IGSF11: variants seen among roughly 807,000 people sequenced by gnomAD.
The protein encoded by IGSF11 is CXADR like 1.
A neutral mutation model predicts 41.0 loss-of-function variants in IGSF11; 22 were observed. That is an observed-to-expected ratio of 0.54 (90% confidence interval 0.38 to 0.77). The LOEUF (loss-of-function observed/expected upper bound fraction) is 0.77, where lower values mean the gene tolerates loss of function less well. Among genes scored for constraint, IGSF11 ranks in the 30% least tolerant of loss-of-function variants. The pLI is 0.00. For missense variants in IGSF11, 444 were observed against 530.8 expected, an observed-to-expected ratio of 0.84 and a Z score of 1.61; for synonymous variants, 219 against 201.3, an observed-to-expected ratio of 1.09 and a Z score of -0.74.
intron 1 of IGSF11, among the ~76,000 whole-genome samples, chr3:119,005,150 T>C (rs1474240219): frequency 1.4e-5 from 2 of 146,906 alleles, no homozygotes; most frequent in Non-Finnish European, 1.5e-5. Flanking sequence ...GGTGCTCCTG[T>C]ATTGGGTGCA....
intron 4 of IGSF11, among the ~76,000 whole-genome samples, chr3:118,920,201 G>T (rs866345643): frequency 1.3e-5 from 2 of 149,704 alleles, no homozygotes; most frequent in Non-Finnish European, 3.0e-5. Context: ...CATGGCACAT[G>T]TATACATATG....
chr3:119,115,359 C>T (rs1310045666), intron 1 of IGSF11, among the ~76,000 whole-genome samples: 1 of 152,142 alleles, frequency 6.6e-6, no homozygotes, highest in Non-Finnish European at 1.5e-5. Flanking sequence ...AATTTACAGT[C>T]CCACCAACAG....
intron 1 of IGSF11, among the ~76,000 whole-genome samples, chr3:118,973,183 C>T (rs1396679258): frequency 6.6e-6 from 1 of 152,172 alleles, no homozygotes; most frequent in Admixed American, 6.5e-5. Context: ...TATACAGAAG[C>T]CAGGCCTCTC....
chr3:118,940,661 T>C (rs1020225800), intron 1 of IGSF11, among the ~76,000 whole-genome samples: 2 of 152,070 alleles, frequency 1.3e-5, no homozygotes, highest in African/African-American at 2.4e-5. Flanking sequence ...CTGTTTTGTA[T>C]AGACAAATTG....
At chr3:119,102,063 A>T (rs1470139022) in intron 1 of IGSF11, among the ~76,000 whole-genome samples, 1 of 151,838 alleles carries the variant, frequency 6.6e-6, no homozygotes, top group African/African-American at 2.4e-5. Flanking sequence ...TATTATTTCC[A>T]CTTTGTCAGA....
At chr3:118,947,503 TAAGA>T (rs1944246752) in intron 1 of IGSF11, 3 of 152,178 alleles carry the variant, frequency 2.0e-5, no homozygotes, top group East Asian at 1.9e-4. Context: ...GATGGATAAA[TAAGA>T]AAGAATTTAT....
At chr3:119,087,785 AT>A (rs899713850) in intron 1 of IGSF11, among the ~76,000 whole-genome samples, 30 of 152,142 alleles carry the variant, frequency 2.0e-4, no homozygotes, top group East Asian at 1.2e-3. Flanking sequence ...AAAAATTAAA[AT>A]TTTTTTTAAT....
chr3:118,981,073 G>A (rs1934665266), intron 1 of IGSF11, among the ~76,000 whole-genome samples: 1 of 152,140 alleles, frequency 6.6e-6, no homozygotes, highest in African/African-American at 2.4e-5. Context: ...TTCACCTCAA[G>A]GATCACTTGT....
At chr3:118,943,349 T>C (rs1013147398) in intron 1 of IGSF11, among the ~76,000 whole-genome samples, 18 of 152,160 alleles carry the variant, frequency 1.2e-4, no homozygotes, top group Admixed American at 3.3e-4. Flanking sequence ...TGAGTAAAGT[T>C]TAAAAATAAA....
At position 119,046,972 on chromosome 3, in the gene IGSF11, GC is replaced by G. The variant is rs1941382553; in HGVS notation, c.49+58171del. 3.5e-5 allele frequency among the ~76,000 whole-genome samples: 5 copies of G among 143,814 alleles called. No homozygotes were observed. In the South Asian group the frequency reaches 9.8e-4, roughly 28 times the overall value. The allele number at this position is 143,814 out of a possible 152,430, so 94.3% of individuals were successfully genotyped here. On this transcript the variant is annotated intron_variant, in intron 1 of 6. Transcript: ENST00000354673. ...GAGAGATTTTGTCAACACCAGGCCTGCCCTAAAAGAGCTCCCGAAGGAAGCG... is the reference window on the plus strand; with the variant it reads ...GAGAGATTTTGTCAACACCAGGCCTGCCTAAAAGAGCTCCCGAAGGAAGCG...
At chr3:119,137,355 C>T (rs1221458308) in intron 1 of IGSF11, among the ~76,000 whole-genome samples, 1 of 152,146 alleles carries the variant, frequency 6.6e-6, no homozygotes, top group African/African-American at 2.4e-5. Flanking sequence ...TGGCATGATA[C>T]TGGCATAAAA....
intron 4 of IGSF11, among the ~76,000 whole-genome samples, chr3:118,923,380 T>C (rs1942007958): frequency 6.6e-6 from 1 of 152,186 alleles, no homozygotes; most frequent in African/African-American, 2.4e-5. Context: ...CTAAGTACTT[T>C]AGTGAATACT....
At chr3:118,976,025 T>C (rs1021060057) in intron 1 of IGSF11, among the ~76,000 whole-genome samples, 1 of 151,970 alleles carries the variant, frequency 6.6e-6, no homozygotes, top group African/African-American at 2.4e-5. Context: ...AAGTTGAAAT[T>C]AATAAAAATT....
At chr3:118,947,586 T>C (rs1365387651) in intron 1 of IGSF11, 2 of 152,260 alleles carry the variant, frequency 1.3e-5, no homozygotes, top group Non-Finnish European at 2.9e-5. Flanking sequence ...CACATTTTCA[T>C]GTGAGCGTTT....
At chr3:118,938,371 A>G (rs1409402060) in intron 1 of IGSF11, among the ~76,000 whole-genome samples, 1 of 152,134 alleles carries the variant, frequency 6.6e-6, no homozygotes, top group African/African-American at 2.4e-5. Flanking sequence ...GGAGCTTTCC[A>G]CACTGCCAGG....
At chr3:119,072,160 G>T (rs1034700446) in intron 1 of IGSF11, among the ~76,000 whole-genome samples, 5 of 152,328 alleles carry the variant, frequency 3.3e-5, no homozygotes, top group South Asian at 2.1e-4. Context: ...CGTACAGTAA[G>T]TTCACTATAT....
At chr3:119,002,513 T>C (rs1937009041) in intron 1 of IGSF11, among the ~76,000 whole-genome samples, 1 of 132,000 alleles carries the variant, frequency 7.6e-6, no homozygotes, top group African/African-American at 3.4e-5. Flanking sequence ...TTTGTTGCCA[T>C]TGCTTTTGGT....
chr3:119,125,563 A>G lies in IGSF11; in HGVS notation c.-14+20250T>C, dbSNP rs370195855. On this transcript the variant is annotated intron_variant, in intron 1 of 7. Coordinates refer to the IGSF11 transcript ENST00000425327. ...ACAAGGGCAGGGAGGAATCTTACAA[A>G]GTACATTCACAGGGATGGGGAATAT... 1.6e-4 allele frequency among the ~76,000 whole-genome samples: 25 copies of G among 152,150 alleles called. 1 individual carries two copies. Among genetic ancestry groups the G allele is most frequent in the East Asian group, 1.2e-3 (6 of 5,194 alleles).
At chr3:119,103,091 G>T (rs533825581) in intron 1 of IGSF11, among the ~76,000 whole-genome samples, 1 of 147,448 alleles carries the variant, frequency 6.8e-6, no homozygotes, top group Non-Finnish European at 1.5e-5. Context: ...TCCGCCTCCC[G>T]GGTTCATGCC....
Sources: allele counts gnomAD v4.1 joint callset (sites outside exome capture counted in the v4.1 genomes callset), GRCh38; gene constraint gnomAD v4.1.1; transcripts MANE v1.5; gene names NCBI Gene and HGNC (gene_info 2026-07-23, HGNC 2026-07-21).